The following LONRF2 variants were observed in gnomAD, a reference collection of about 807,000 sequenced individuals.
LONRF2 encodes LON peptidase N-terminal domain and ring finger 2.
In LONRF2, 35 loss-of-function variants were observed where a neutral mutation model predicts 66.6. The ratio of observed to expected loss-of-function variants is 0.53; its 90% CI spans 0.40 to 0.70. LONRF2 has a LOEUF of 0.70. LONRF2 is among the 30% of genes least tolerant of loss of function. The pLI, the probability that LONRF2 is intolerant of heterozygous loss-of-function variation, is 0.00. For missense variants in LONRF2, 902 were observed against 1,002.1 expected, an observed-to-expected ratio of 0.90 and a Z score of 1.35; for synonymous variants, 417 against 418.1, an observed-to-expected ratio of 1.00 and a Z score of 0.03.
intron 7 of LONRF2, among the ~76,000 whole-genome samples, chr2:100,296,866 AGGTCCCT>A (rs1427048241): frequency 6.6e-6 from 1 of 152,202 alleles, no homozygotes; most frequent in Non-Finnish European, 1.5e-5. Context: ...TTGATGATTC[AGGTCCCT>A]GGTAGTGCAT....
chr2:100,318,520 G>A (rs957410893), intron 1 of LONRF2, among the ~76,000 whole-genome samples: 16 of 152,062 alleles, frequency 1.1e-4, no homozygotes, highest in African/African-American at 3.6e-4. Context: ...ACTTCGCTAA[G>A]GTCACATAAT....
Position 100,282,478 on chromosome 2 carries a change from C to T in LONRF2, c.*1820G>A, listed in dbSNP as rs1444665926. On this transcript the variant is annotated 3_prime_UTR_variant, in exon 12 of 12. Transcript: ENST00000393437. ...TCAATGCATACTGATTTTCATGAAC[C>T]ACTTCTGGTAAAGGTCTTCTGGCAT... 1 of 152,176 alleles carries T rather than the reference C, an allele frequency of 6.6e-6. No homozygotes were observed. The highest frequency in any genetic ancestry group is 2.4e-5 in the African/African-American group (1 of 41,438). The allele number at this position is 152,176 out of a possible 1,614,324, so 9.4% of individuals were successfully genotyped here. A position where few individuals can be genotyped will look rare whatever the true frequency, so the allele number is the denominator to read the frequency against.
At chr2:100,299,691 C>G in intron 5 of LONRF2, 26 bp downstream of exon 5, 3 of 1,599,714 alleles carry the variant, frequency 1.9e-6, no homozygotes, top group South Asian at 2.2e-5. Context: ...AGTCACAGAA[C>G]TGCCTGATGA....
intron 11 of LONRF2, 113 bp from the exon 12 acceptor site, chr2:100,284,605 G>T: frequency 1.3e-6 from 1 of 797,086 alleles, no homozygotes; most frequent in Non-Finnish European, 1.9e-6. Flanking sequence ...ATGCCACCTT[G>T]TATTTTAGGG....
At chr2:100,284,884 T>C (rs1475214882) in intron 11 of LONRF2, among the ~76,000 whole-genome samples, 1 of 152,240 alleles carries the variant, frequency 6.6e-6, no homozygotes, top group African/African-American at 2.4e-5. Context: ...CATAATATTA[T>C]AAAGGCTAAA....
At chr2:100,314,532 T>C (rs1391395010) in intron 1 of LONRF2, among the ~76,000 whole-genome samples, 3 of 152,180 alleles carry the variant, frequency 2.0e-5, no homozygotes, top group African/African-American at 7.2e-5. Context: ...GAGGTCTCAG[T>C]AAGATATTTG....
chr2:100,285,630 C>T (rs1055914174), intron 11 of LONRF2, among the ~76,000 whole-genome samples: 1 of 152,100 alleles, frequency 6.6e-6, no homozygotes. Flanking sequence ...CCTGTCTGGG[C>T]TGTGGTCAGA....
chr2:100,273,779 A>G lies in LONRF2; in HGVS notation c.*10519T>C, dbSNP rs1674543132. On this transcript the variant is annotated 3_prime_UTR_variant, in exon 12 of 12. Coordinates refer to ENST00000393437, the MANE Select transcript of LONRF2 (RefSeq NM_198461.4). ...CTTATTAAACAGAAAAAAAATACAC[A>G]TTCAATTCCTAATTGGTAAAATCAT... The G allele has an allele frequency of 6.6e-6, 1 of 152,224 alleles. No homozygotes were observed. The highest frequency in any genetic ancestry group is 2.1e-4 in the South Asian group (1 of 4,832). The allele number at this position is 152,224 out of a possible 1,614,324, so 9.4% of individuals were successfully genotyped here. A position where few individuals can be genotyped will look rare whatever the true frequency, so the allele number is the denominator to read the frequency against.
intron 7 of LONRF2, among the ~76,000 whole-genome samples, chr2:100,297,489 C>T (rs1161274151): frequency 6.6e-6 from 1 of 152,148 alleles, no homozygotes; most frequent in Admixed American, 6.5e-5. Flanking sequence ...TCACTCAGCC[C>T]CCTACAAGGC....
intron 10 of LONRF2, among the ~76,000 whole-genome samples, chr2:100,288,527 G>A (rs1471005797): frequency 6.6e-6 from 1 of 152,168 alleles, no homozygotes; most frequent in Non-Finnish European, 1.5e-5. Context: ...AGATCTTGTT[G>A]AGCTCAAAGA....
At chr2:100,297,553 C>T (rs906468115) in intron 7 of LONRF2, among the ~76,000 whole-genome samples, 2 of 152,220 alleles carry the variant, frequency 1.3e-5, no homozygotes, top group Non-Finnish European at 2.9e-5. Flanking sequence ...CTCACACATA[C>T]ATGCATTTTA....
chr2:100,284,537 A>G, intron 11 of LONRF2, 45 bp from the exon 12 acceptor site: 7 of 1,443,054 alleles, frequency 4.9e-6, no homozygotes, highest in Non-Finnish European at 6.4e-6. Context: ...CTGGAAATGC[A>G]AGCCTGTTCC....
intron 8 of LONRF2, among the ~76,000 whole-genome samples, chr2:100,294,968 A>G (rs1353935845): frequency 6.6e-6 from 1 of 151,042 alleles, no homozygotes; most frequent in Non-Finnish European, 1.5e-5. Context: ...CATTTATATT[A>G]TTTGCCTTTT....
rs1391091976 is a variant in LONRF2, at chr2:100,322,250, C to T, written c.-157G>A. The T allele has an allele frequency of 4.4e-6, 3 of 685,348 alleles. No homozygotes were observed. Among genetic ancestry groups the T allele is most frequent in the Non-Finnish European group, 6.0e-6 (3 of 503,638 alleles). 42.5% of individuals were successfully genotyped at this position (685,348 alleles called of 1,614,324 possible). A position where few individuals can be genotyped will look rare whatever the true frequency, so the allele number is the denominator to read the frequency against. ...CGCTGCGAGCGGCTGAGACCGCGGG[C>T]GGGGGCGGGCGCCTGGCTTGGGCAG... On this transcript the variant is annotated 5_prime_UTR_variant, in exon 1 of 12. Coordinates refer to ENST00000393437, the MANE Select transcript of LONRF2 (RefSeq NM_198461.4).
At position 100,277,082 on chromosome 2, in the gene LONRF2, C is replaced by T. The variant is rs997657747; in HGVS notation, c.*7216G>A. 1 of 152,210 alleles carries T rather than the reference C, an allele frequency of 6.6e-6. No homozygotes were observed. The highest frequency in any genetic ancestry group is 6.5e-5 in the Admixed American group (1 of 15,280). The allele number at this position is 152,210 out of a possible 1,614,324, so 9.4% of individuals were successfully genotyped here. On this transcript the variant is annotated 3_prime_UTR_variant, in exon 12 of 12. Transcript: ENST00000393437. ...TACTTAATCTTCTTGCTGCTGCTTACAAATCAGCTTGCTTTAAATGGGGCA... is the reference window on the plus strand; with the variant it reads ...TACTTAATCTTCTTGCTGCTGCTTATAAATCAGCTTGCTTTAAATGGGGCA...
In LONRF2 at chr2:100,300,756, G is replaced by A; in HGVS notation, c.953C>T (p.Ala318Val). ...VMCEVLFSAT[A>V]NVHENLTSSI... ...AGATGTTAAATTTTCATGCACATTT[G>A]CTGTAGCTGAAAACAGCACTTCACA... Residue 318 changes from alanine to valine, a missense_variant, in exon 4 of 12, where the codon GCA (alanine) becomes GTA (valine). This residue lies in a region of LONRF2 where 585 missense variants were observed against 569.9 expected (regional missense o/e 1.03). Transcript: ENST00000393437. The A allele has an allele frequency of 6.2e-7, 1 of 1,612,022 alleles. No individual in the cohort carries two copies. Among genetic ancestry groups the A allele is most frequent in the Non-Finnish European group, 8.5e-7 (1 of 1,179,346 alleles).
chr2:100,287,651 C>T (rs1324487671), intron 10 of LONRF2, among the ~76,000 whole-genome samples: 1 of 152,196 alleles, frequency 6.6e-6, no homozygotes, highest in African/African-American at 2.4e-5. Flanking sequence ...AGCTTGTGGT[C>T]GGCCACAGCA....
chr2:100,317,479 C>T (rs563141465), intron 1 of LONRF2, among the ~76,000 whole-genome samples: 22 of 152,276 alleles, frequency 1.4e-4, no homozygotes, highest in African/African-American at 5.1e-4. Flanking sequence ...ATGTATGTTA[C>T]AAATACCACA....
intron 2 of LONRF2, among the ~76,000 whole-genome samples, chr2:100,307,601 G>C (rs547859038): frequency 6.6e-6 from 1 of 152,254 alleles, no homozygotes; most frequent in South Asian, 2.1e-4. Flanking sequence ...GAGGAATTGG[G>C]GCGACGTCAG....
Sources: gnomAD v4.1 joint callset for allele counts (sites outside exome capture counted in the v4.1 genomes callset) on GRCh38, gnomAD v4.1.1 for gene constraint, gnomAD v4.1.1 regional missense constraint, MANE v1.5 for transcripts, NCBI Gene and HGNC (gene_info 2026-07-23, HGNC 2026-07-21) for gene names.